LANCL3: variants seen among roughly 807,000 people sequenced by gnomAD.
The protein encoded by LANCL3 is lanC-like protein 3.
LANCL3 carries 19 observed loss-of-function variants against 26.5 expected under a neutral mutation model. The ratio of observed to expected loss-of-function variants is 0.72; its 90% CI spans 0.50 to 1.05. The LOEUF (loss-of-function observed/expected upper bound fraction) is 1.05, where lower values mean the gene tolerates loss of function less well. Among genes scored for constraint, LANCL3 ranks in the 50% least tolerant of loss-of-function variants. The probability of loss-of-function intolerance (pLI) is 0.00; values close to 1 mark genes in which losing one functional copy is unlikely to be tolerated. For missense variants in LANCL3, 318 were observed against 362.7 expected, an observed-to-expected ratio of 0.88 and a Z score of 1.00; for synonymous variants, 160 against 166.6, an observed-to-expected ratio of 0.96 and a Z score of 0.30.
chrX:37,626,838 T>G (rs3126415), intron 1 of LANCL3, among the ~76,000 whole-genome samples: 24,526 of 111,158 alleles, frequency 0.22, 2,227 homozygotes, highest in African/African-American at 0.35. Context: ...CCAAAGGCAC[T>G]GATTTTAAAG....
intron 1 of LANCL3, among the ~76,000 whole-genome samples, chrX:37,652,426 T>G (rs190611804): frequency 4.5e-5 from 5 of 111,958 alleles, no homozygotes; most frequent in Non-Finnish European, 7.5e-5. Context: ...GCCAAACCAA[T>G]AGGAATATTT....
chrX:37,630,651 T>C (rs1925468852), intron 1 of LANCL3, among the ~76,000 whole-genome samples: 1 of 110,508 alleles, frequency 9.0e-6, no homozygotes, highest in East Asian at 2.8e-4. Context: ...TTGAGAGTTT[T>C]TAGCATGAAG....
rs1461799798 is a variant in LANCL3 at position 37,680,651 on chromosome X, T to C, written c.*4838T>C. 1 of 112,001 alleles carries C rather than the reference T, an allele frequency of 8.9e-6. No individual in the cohort carries two copies. The highest frequency in any genetic ancestry group is 1.9e-5 in the Non-Finnish European group (1 of 53,268). The allele number at this position is 112,001 out of a possible 1,213,427, so 9.2% of individuals were successfully genotyped here. ...AGTTATGTGGATTAAAAGAACAGAC[T>C]ATCCTCTCTCTTTTTTTGTCTTTCT... On this transcript the variant is annotated 3_prime_UTR_variant, in exon 5 of 5. Transcript: ENST00000378619.
At chrX:37,615,162 C>T (rs1369004580) in intron 1 of LANCL3, among the ~76,000 whole-genome samples, 2 of 111,762 alleles carry the variant, frequency 1.8e-5, no homozygotes, top group Admixed American at 9.6e-5. Flanking sequence ...CCCTTATCAT[C>T]TACCCTGTGC....
At chrX:37,654,889 A>G (rs1435435323) in intron 1 of LANCL3, among the ~76,000 whole-genome samples, 4 of 112,466 alleles carry the variant, frequency 3.6e-5, no homozygotes, top group African/African-American at 9.7e-5. Flanking sequence ...CAGCAGAGCA[A>G]ATGTCACTGT....
intron 1 of LANCL3, among the ~76,000 whole-genome samples, chrX:37,646,235 T>C: frequency 8.8e-6 from 1 of 113,046 alleles, no homozygotes. Context: ...CAAGATCAGT[T>C]TCCTACTTGA....
chrX:37,611,657 T>C (rs1924875879), intron 1 of LANCL3, among the ~76,000 whole-genome samples: 1 of 111,251 alleles, frequency 9.0e-6, no homozygotes, highest in African/African-American at 3.3e-5. Context: ...ACTGGACTGC[T>C]TGATGTAAAT....
chrX:37,635,306 C>T (rs1431066331), intron 1 of LANCL3, among the ~76,000 whole-genome samples: 1 of 111,873 alleles, frequency 8.9e-6, no homozygotes. Flanking sequence ...TGAATGGATA[C>T]CCAAAGTTTG....
At chrX:37,597,277 A>G (rs1466440559) in intron 1 of LANCL3, among the ~76,000 whole-genome samples, 2 of 112,240 alleles carry the variant, frequency 1.8e-5, no homozygotes, top group Non-Finnish European at 3.8e-5. Flanking sequence ...GCTGTTATGA[A>G]TAATGCTGCC....
At chrX:37,654,984 T>C (rs1926248764) in intron 1 of LANCL3, among the ~76,000 whole-genome samples, 1 of 112,692 alleles carries the variant, frequency 8.9e-6, no homozygotes, top group African/African-American at 3.2e-5. Context: ...GAGCAGAATC[T>C]TAATAAATGC....
At position 37,677,422 on chromosome X, in the gene LANCL3, C is replaced by T. The variant is rs1360070893; in HGVS notation, c.*1609C>T. 2 of 111,750 alleles carry T rather than the reference C, an allele frequency of 1.8e-5. No individual in the cohort carries two copies. Among genetic ancestry groups the T allele is most frequent in the Non-Finnish European group, 3.8e-5 (2 of 53,071 alleles). The allele number at this position is 111,750 out of a possible 1,213,427, so 9.2% of individuals were successfully genotyped here. A position where few individuals can be genotyped will look rare whatever the true frequency, so the allele number is the denominator to read the frequency against. On this transcript the variant is annotated 3_prime_UTR_variant, in exon 5 of 5. Transcript: ENST00000378619. Reference sequence around the variant, plus strand: ...GAATCTGACCAAAGAAAGGTAACAACTATCTTTGTGTATTTTATGACTGTG... The same window carrying T: ...GAATCTGACCAAAGAAAGGTAACAATTATCTTTGTGTATTTTATGACTGTG...
At chrX:37,605,527 A>G (rs1459689480) in intron 1 of LANCL3, among the ~76,000 whole-genome samples, 1 of 111,547 alleles carries the variant, frequency 9.0e-6, no homozygotes, top group Non-Finnish European at 1.9e-5. Context: ...ATGATGGCCT[A>G]CAGGACCCTA....
At chrX:37,651,592 T>G (rs1445698606) in intron 1 of LANCL3, among the ~76,000 whole-genome samples, 1 of 111,532 alleles carries the variant, frequency 9.0e-6, no homozygotes, top group African/African-American at 3.3e-5. Flanking sequence ...ACTTTCTTTT[T>G]CTGGTTTTTG....
chrX:37,636,259 G>A (rs781990983), intron 1 of LANCL3, among the ~76,000 whole-genome samples: 2 of 111,931 alleles, frequency 1.8e-5, no homozygotes, highest in Admixed American at 9.5e-5. Context: ...ATTGTGAATA[G>A]TGCTGTGATG....
chrX:37,617,375 G>A (rs782479903), intron 1 of LANCL3, among the ~76,000 whole-genome samples: 24 of 111,557 alleles, frequency 2.2e-4, no homozygotes, highest in South Asian at 1.9e-3. Context: ...CTGGGTCAGC[G>A]TCTCCTTAGA....
intron 1 of LANCL3, among the ~76,000 whole-genome samples, chrX:37,613,559 C>A (rs181176727): frequency 1.4e-3 from 161 of 111,978 alleles, no homozygotes; most frequent in Non-Finnish European, 2.4e-3. Context: ...AATGCCCATA[C>A]AGGACCTCCT....
chrX:37,594,939 T>C (rs1355812730), intron 1 of LANCL3, among the ~76,000 whole-genome samples: 2 of 111,729 alleles, frequency 1.8e-5, no homozygotes, highest in African/African-American at 6.5e-5. Flanking sequence ...TGGAGCGAAA[T>C]TAGATGGCAA....
At chrX:37,630,396 A>G (rs1925459312) in intron 1 of LANCL3, among the ~76,000 whole-genome samples, 1 of 110,465 alleles carries the variant, frequency 9.1e-6, no homozygotes. Flanking sequence ...TCATCTGCAA[A>G]CAGGGACAAT....
At position 37,636,783 on chromosome X, in the gene LANCL3, G is replaced by C. The variant is rs188542916; in HGVS notation, c.574-18905G>C. 2.7e-5 allele frequency among the ~76,000 whole-genome samples: 3 copies of C among 112,181 alleles called. No homozygotes were observed. In the East Asian group the frequency reaches 8.4e-4, roughly 31 times the overall value. Reference sequence around the variant, plus strand: ...TAGTCTGTCTATTCCTTTTAAAGGTGAAGACTGTTTGCACTTGGTTACTTA... The same window carrying C: ...TAGTCTGTCTATTCCTTTTAAAGGTCAAGACTGTTTGCACTTGGTTACTTA... On this transcript the variant is annotated intron_variant, in intron 1 of 4. Transcript: ENST00000378619.
Sources: gnomAD v4.1 joint callset for allele counts (sites outside exome capture counted in the v4.1 genomes callset) on GRCh38, gnomAD v4.1.1 for gene constraint, MANE v1.5 for transcripts, NCBI Gene and HGNC (gene_info 2026-07-23, HGNC 2026-07-21) for gene names.